The following NRXN3 variants were observed in gnomAD, a reference collection of about 807,000 sequenced individuals.
NRXN3 encodes neurexin III.
In NRXN3, 32 loss-of-function variants were observed where a neutral mutation model predicts 137.6. That is an observed-to-expected ratio of 0.23 (90% CI 0.18 to 0.31). The LOEUF (loss-of-function observed/expected upper bound fraction) is 0.31. NRXN3 is among the 10% of genes least tolerant of loss of function. The pLI, the probability that NRXN3 is intolerant of heterozygous loss-of-function variation, is 1.00. For missense variants in NRXN3, 1,574 were observed against 2,062.5 expected (o/e 0.76, Z 4.59); for synonymous variants, 798 against 784.5 (o/e 1.02, Z -0.29).
chr14:79,256,030 T>C (rs2076523032), intron 15 of NRXN3, among the ~76,000 whole-genome samples: 1 of 152,158 alleles, frequency 6.6e-6, no homozygotes, highest in Admixed American at 6.5e-5. Flanking sequence ...CATCTCAGGA[T>C]TGCTTCAGGG....
intron 4 of NRXN3, among the ~76,000 whole-genome samples, chr14:78,305,555 T>C (rs1023053361): frequency 3.3e-5 from 5 of 152,192 alleles, no homozygotes; most frequent in African/African-American, 1.2e-4. Context: ...TCATGTAGAT[T>C]GCATTTTACT....
intron 1 of NRXN3, among the ~76,000 whole-genome samples, chr14:78,224,006 A>C (rs922476336): frequency 6.6e-6 from 1 of 152,068 alleles, no homozygotes; most frequent in Non-Finnish European, 1.5e-5. Context: ...CCTGGATATG[A>C]GCCGTGGCCA....
intron 15 of NRXN3, among the ~76,000 whole-genome samples, chr14:79,289,519 C>T (rs1047001200): frequency 1.3e-5 from 2 of 152,042 alleles, no homozygotes; most frequent in Non-Finnish European, 2.9e-5. Context: ...ACTCAGGAGG[C>T]TGAGGCAAGA....
chr14:78,707,169 G>A (rs543669094), intron 6 of NRXN3, among the ~76,000 whole-genome samples: 1 of 152,222 alleles, frequency 6.6e-6, no homozygotes, highest in Admixed American at 6.5e-5. Context: ...TAAATAGTTT[G>A]TTTATTCCTA....
chr14:79,539,244 G>T (rs925566428), intron 16 of NRXN3, among the ~76,000 whole-genome samples: 1 of 152,074 alleles, frequency 6.6e-6, no homozygotes, highest in Non-Finnish European at 1.5e-5. Context: ...ACGTTGGCCA[G>T]GTTGGTCTTG....
At chr14:79,119,598 G>C (rs769079582) in intron 15 of NRXN3, among the ~76,000 whole-genome samples, 8 of 152,106 alleles carry the variant, frequency 5.3e-5, no homozygotes, top group Non-Finnish European at 7.4e-5. Flanking sequence ...TCTCCCAAAA[G>C]ATGAGATGAA....
chr14:79,822,810 A>G (rs1008165117), intron 20 of NRXN3, among the ~76,000 whole-genome samples: 10 of 149,112 alleles, frequency 6.7e-5, no homozygotes, highest in African/African-American at 2.3e-4. Flanking sequence ...TAGATTTCCA[A>G]ACAAACAAAC....
intron 6 of NRXN3, chr14:78,695,633 T>A (rs182991846): frequency 6.6e-6 from 1 of 152,154 alleles, no homozygotes; most frequent in Non-Finnish European, 1.5e-5. Context: ...TGGTCTGAGT[T>A]CTGGACAAGG....
At chr14:79,822,551 A>G (rs1162751788) in intron 20 of NRXN3, among the ~76,000 whole-genome samples, 2 of 152,192 alleles carry the variant, frequency 1.3e-5, no homozygotes, top group Admixed American at 6.5e-5. Context: ...AAACATCCGA[A>G]AAAGCAAAAA....
chr14:79,539,947 T>A (rs2097256258), intron 16 of NRXN3, among the ~76,000 whole-genome samples: 1 of 152,110 alleles, frequency 6.6e-6, no homozygotes, highest in African/African-American at 2.4e-5. Context: ...GGACTTTTCT[T>A]CTCCCAAAGT....
chr14:79,078,909 T>G (rs2046416423), intron 15 of NRXN3, among the ~76,000 whole-genome samples: 2 of 152,092 alleles, frequency 1.3e-5, no homozygotes, highest in Non-Finnish European at 2.9e-5. Flanking sequence ...TATTAGCCCA[T>G]GATTCTTGTG....
intron 4 of NRXN3, among the ~76,000 whole-genome samples, chr14:78,341,497 A>C (rs1007765498): frequency 1.3e-5 from 2 of 152,216 alleles, no homozygotes; most frequent in African/African-American, 4.8e-5. Context: ...GAAAGCAGCC[A>C]TAGACAATAT....
chr14:79,476,367 T>C (rs2096559914), intron 16 of NRXN3, among the ~76,000 whole-genome samples: 1 of 152,068 alleles, frequency 6.6e-6, no homozygotes, highest in Non-Finnish European at 1.5e-5. Flanking sequence ...TTTCCTGGCC[T>C]GCGATGACAC....
At chr14:79,255,165 T>C (rs1172496417) in intron 15 of NRXN3, among the ~76,000 whole-genome samples, 1 of 152,214 alleles carries the variant, frequency 6.6e-6, no homozygotes, top group African/African-American at 2.4e-5. Context: ...CCTCCTAAAC[T>C]CATTGCACAG....
intron 4 of NRXN3, among the ~76,000 whole-genome samples, chr14:78,533,221 T>C (rs1462768490): frequency 2.0e-5 from 3 of 151,380 alleles, no homozygotes; most frequent in Non-Finnish European, 2.9e-5. Context: ...GCCTCCCAAG[T>C]AGCTGGGACT....
At chr14:78,299,991 C>G (rs1384266869) in intron 4 of NRXN3, among the ~76,000 whole-genome samples, 1 of 152,172 alleles carries the variant, frequency 6.6e-6, no homozygotes, top group African/African-American at 2.4e-5. Flanking sequence ...TTCATTCTTT[C>G]CATTTCCTAT....
chr14:78,846,273 A>G (rs1326290849), intron 10 of NRXN3, among the ~76,000 whole-genome samples: 1 of 152,072 alleles, frequency 6.6e-6, no homozygotes, highest in African/African-American at 2.4e-5. Flanking sequence ...CTCTACCCAC[A>G]GTAATTGAGA....
At chr14:78,334,675 T>TG (rs972620375) in intron 4 of NRXN3, among the ~76,000 whole-genome samples, 44 of 152,266 alleles carry the variant, frequency 2.9e-4, no homozygotes, top group African/African-American at 1.0e-3. Flanking sequence ...ACTAGCAAAG[T>TG]GGGAGATTTG....
At chr14:79,684,346 T>C (rs2098686056) in intron 17 of NRXN3, among the ~76,000 whole-genome samples, 2 of 152,194 alleles carry the variant, frequency 1.3e-5, no homozygotes, top group Admixed American at 1.3e-4. Context: ...GGTCCTGTTA[T>C]GATGTGGTTG....
Sources: gnomAD v4.1 joint callset for allele counts (sites outside exome capture counted in the v4.1 genomes callset) on GRCh38, gnomAD v4.1.1 for gene constraint, MANE v1.5 for transcripts, NCBI Gene and HGNC (gene_info 2026-07-23, HGNC 2026-07-21) for gene names.